The following CELF2 variants were observed in gnomAD, a reference collection of about 807,000 sequenced individuals.
The protein encoded by CELF2 is CUG triplet repeat RNA-binding protein 2.
A neutral mutation model predicts 62.6 loss-of-function variants in CELF2; 8 were observed. The ratio of observed to expected loss-of-function variants is 0.13; its 90% CI spans 0.07 to 0.23. The LOEUF (loss-of-function observed/expected upper bound fraction) is 0.23, where lower values mean the gene tolerates loss of function less well. Ranked by LOEUF, CELF2 falls within the 10% of genes least tolerant of loss-of-function variation. The pLI, the probability that CELF2 is intolerant of heterozygous loss-of-function variation, is 1.00. For missense variants in CELF2, 333 were observed against 671.0 expected (o/e 0.50, Z 5.56); for synonymous variants, 258 against 250.0 (o/e 1.03, Z -0.30).
chr10:10,904,985 C>T (rs1384267301), intron 1 of CELF2, among the ~76,000 whole-genome samples: 1 of 152,156 alleles, frequency 6.6e-6, no homozygotes, highest in Non-Finnish European at 1.5e-5. Context: ...GTTTGGATGT[C>T]TCTTGATCAT....
chr10:10,493,252 G>A, the CELF2 span, among the ~76,000 whole-genome samples: 41 of 152,256 alleles, frequency 2.7e-4, no homozygotes, highest in African/African-American at 9.4e-4. Context: ...CAGAAAAGTA[G>A]AATGGTGATT....
intron 2 of CELF2, among the ~76,000 whole-genome samples, chr10:10,945,834 T>C (rs982692644): frequency 6.6e-6 from 1 of 152,218 alleles, no homozygotes; most frequent in Non-Finnish European, 1.5e-5. Context: ...GTTAATGATG[T>C]TGACAAATTT....
At chr10:10,693,118 C>T in the CELF2 span, among the ~76,000 whole-genome samples, 7 of 84,186 alleles carry the variant, frequency 8.3e-5, no homozygotes, top group East Asian at 3.4e-4. Flanking sequence ...CCAGTTTTTG[C>T]CCATTCAGTA....
chr10:11,192,929 A>C (rs1332518100), intron 2 of CELF2, among the ~76,000 whole-genome samples: 2 of 152,190 alleles, frequency 1.3e-5, no homozygotes, highest in African/African-American at 4.8e-5. Flanking sequence ...ACGTTGCGAG[A>C]GTGCTCTGGT....
At chr10:10,491,824 G>T in the CELF2 span, among the ~76,000 whole-genome samples, 1 of 152,090 alleles carries the variant, frequency 6.6e-6, no homozygotes, top group Non-Finnish European at 1.5e-5. Flanking sequence ...TCTCCACCAC[G>T]TCTAAAGAAC....
the CELF2 span, among the ~76,000 whole-genome samples, chr10:10,698,604 T>G: frequency 1.3e-5 from 2 of 152,228 alleles, no homozygotes; most frequent in Non-Finnish European, 2.9e-5. Flanking sequence ...GGTGTGTATT[T>G]AATAGCTTGC....
chr10:10,658,266 C>A, the CELF2 span, among the ~76,000 whole-genome samples: 1 of 151,850 alleles, frequency 6.6e-6, no homozygotes, highest in African/African-American at 2.4e-5. Flanking sequence ...CAATCCCCTG[C>A]TCTTTATGGC....
intron 1 of CELF2, among the ~76,000 whole-genome samples, chr10:10,908,214 A>AGTTTTTTTTTT (rs2063501269): frequency 2.4e-5 from 2 of 83,738 alleles, no homozygotes; most frequent in Non-Finnish European, 4.1e-5. Flanking sequence ...GTATGAGGGG[A>AGTTTTTTTTTT]TTTTTTTTTT....
intron 1 of CELF2, among the ~76,000 whole-genome samples, chr10:10,801,983 C>CT (rs2054708180): frequency 6.6e-6 from 1 of 152,192 alleles, no homozygotes; most frequent in East Asian, 1.9e-4. Flanking sequence ...GTTTTAATGA[C>CT]TGTCTACCCC....
At chr10:10,985,520 C>T (rs1421752577) in intron 2 of CELF2, among the ~76,000 whole-genome samples, 2 of 152,152 alleles carry the variant, frequency 1.3e-5, no homozygotes, top group African/African-American at 2.4e-5. Flanking sequence ...TAATTGACCA[C>T]AAAGCACACA....
chr10:10,487,109 G>T, the CELF2 span, among the ~76,000 whole-genome samples: 298 of 152,254 alleles, frequency 2.0e-3, no homozygotes, highest in Middle Eastern at 3.4e-3. Flanking sequence ...CATCTTGCTG[G>T]CTTCCTATGA....
At chr10:10,550,927 A>G in the CELF2 span, among the ~76,000 whole-genome samples, 2 of 151,012 alleles carry the variant, frequency 1.3e-5, no homozygotes, top group Admixed American at 6.6e-5. Context: ...CTAACTCCCA[A>G]CCTCAGGTGA....
At chr10:10,765,477 C>A in the CELF2 span, among the ~76,000 whole-genome samples, 1 of 152,156 alleles carries the variant, frequency 6.6e-6, no homozygotes, top group African/African-American at 2.4e-5. Context: ...GACCTATCCG[C>A]CACACTTACC....
intron 1 of CELF2, among the ~76,000 whole-genome samples, chr10:10,864,895 T>A (rs892943803): frequency 6.6e-6 from 1 of 152,190 alleles, no homozygotes. Flanking sequence ...GATACTATCA[T>A]CTAGAGATAA....
At chr10:10,862,401 T>C (rs773159358) in intron 1 of CELF2, among the ~76,000 whole-genome samples, 3 of 152,202 alleles carry the variant, frequency 2.0e-5, no homozygotes, top group Non-Finnish European at 4.4e-5. Context: ...TGGTGGTTGA[T>C]GCTGGTTGTC....
In CELF2 at chr10:10,928,869, G is replaced by T. The variant is rs1328782598; in HGVS notation, c.89+8870G>T. Among the ~76,000 whole-genome samples the T allele has an allele frequency of 6.6e-6, 1 of 152,200 alleles. No individual in the cohort carries two copies. Among genetic ancestry groups the T allele is most frequent in the Non-Finnish European group, 1.5e-5 (1 of 68,050 alleles). On this transcript the variant is annotated intron_variant, in intron 2 of 13. Coordinates refer to the CELF2 transcript ENST00000636488. This position sits in a 1 kb window ranked among gnomAD's most constrained non-coding sequence, Gnocchi z 4.8. ...TGTTGTTTGTCCCCAGTGCCTAGCA[G>T]TGCCTGGAACATAGTAGGCACGAAT...
chr10:10,981,818 T>C (rs1358352613), intron 2 of CELF2, among the ~76,000 whole-genome samples: 1 of 152,218 alleles, frequency 6.6e-6, no homozygotes, highest in African/African-American at 2.4e-5. Context: ...TAAAATAATA[T>C]AGTTCTCATT....
chr10:10,598,747 C>CTT, the CELF2 span, among the ~76,000 whole-genome samples: 14 of 73,174 alleles, frequency 1.9e-4, no homozygotes, highest in Non-Finnish European at 2.6e-4. Context: ...TTTTCTTTTT[C>CTT]TTTCTTTTTT....
chr10:10,718,170 A>C, the CELF2 span, among the ~76,000 whole-genome samples: 1 of 152,150 alleles, frequency 6.6e-6, no homozygotes, highest in Admixed American at 6.5e-5. Flanking sequence ...TAAACTTCTA[A>C]AATTTTGCAT....
Sources: allele counts gnomAD v4.1 joint callset (sites outside exome capture counted in the v4.1 genomes callset), GRCh38; gene constraint gnomAD v4.1.1; non-coding constraint Gnocchi (gnomAD v3.1); transcripts MANE v1.5; gene names NCBI Gene and HGNC (gene_info 2026-07-23, HGNC 2026-07-21).